The following CLSTN3 variants were observed in gnomAD, a reference collection of about 807,000 sequenced individuals.
CLSTN3 encodes the protein calsyntenin 3, also known as calsyntenin-3.
A neutral mutation model predicts 95.9 loss-of-function variants in CLSTN3; 36 were observed. The observed-to-expected ratio is 0.38, with a 90% CI of 0.29 to 0.50. CLSTN3 has a LOEUF of 0.50. Among genes scored for constraint, CLSTN3 ranks in the 20% least tolerant of loss-of-function variants. The pLI is 0.95. For synonymous variants in CLSTN3, 481 were observed against 504.0 expected, an observed-to-expected ratio of 0.95 and a Z score of 0.61; for missense variants, 1,084 against 1,268.8, an observed-to-expected ratio of 0.85 and a Z score of 2.21.
In CLSTN3 at chr12:7,133,154, G is replaced by A. The variant is rs1223815459; in HGVS notation, c.187+8G>A. The A allele has an allele frequency of 1.9e-6, 3 of 1,613,900 alleles. No individual in the cohort carries two copies. Among genetic ancestry groups the A allele is most frequent in the African/African-American group, 1.3e-5 (1 of 74,890 alleles). ...CCCCGCTGCGCTATGCAGGTAATTGGGATTGGGGGATGGCAAGGCAGGGTA... is the reference window on the plus strand; with the variant it reads ...CCCCGCTGCGCTATGCAGGTAATTGAGATTGGGGGATGGCAAGGCAGGGTA... On this transcript the variant is annotated splice_region_variant and intron_variant, in intron 2 of 17. Transcript: ENST00000266546. The surrounding 1 kb of genome is among the most constrained non-coding windows in gnomAD (Gnocchi z 4.7).
At chr12:7,136,695 T>C in intron 6 of CLSTN3, 134 bp from the exon 7 acceptor site, 2 of 982,334 alleles carry the variant, frequency 2.0e-6, no homozygotes, top group Non-Finnish European at 3.1e-6. Context: ...CTCTTGTCTT[T>C]GAAAGGCCAT....
At chr12:7,142,295 G>A (rs1939540321) in intron 10 of CLSTN3, among the ~76,000 whole-genome samples, 156 bp downstream of exon 10, 1 of 152,086 alleles carries the variant, frequency 6.6e-6, no homozygotes, top group Non-Finnish European at 1.5e-5. Flanking sequence ...AGGGGCTCCT[G>A]GAGTGGTAAG....
chr12:7,154,985 G>A (rs935100510), intron 16 of CLSTN3, among the ~76,000 whole-genome samples: 10 of 152,194 alleles, frequency 6.6e-5, no homozygotes, highest in Non-Finnish European at 1.0e-4. Context: ...TCTGAGAGCC[G>A]TGATAGGAGC....
intron 12 of CLSTN3, among the ~76,000 whole-genome samples, chr12:7,145,438 C>G (rs943244182): frequency 3.3e-5 from 5 of 152,022 alleles, no homozygotes; most frequent in Admixed American, 2.0e-4. Flanking sequence ...TTCCCTGATG[C>G]ATTTCCTTGC....
intron 4 of CLSTN3, 83 bp from the exon 5 acceptor site, chr12:7,135,721 C>A: frequency 2.0e-6 from 3 of 1,498,358 alleles, no homozygotes; most frequent in Non-Finnish European, 2.7e-6. Flanking sequence ...CTGCCTGCTG[C>A]CCGATGATCT....
In CLSTN3 at chr12:7,137,323, G is replaced by T; in HGVS notation, c.1210+213G>T. The T allele has an allele frequency of 1.7e-6, 1 of 574,616 alleles. No individual in the cohort carries two copies. Among genetic ancestry groups the T allele is most frequent in the South Asian group, 2.2e-5 (1 of 45,670 alleles). The allele number at this position is 574,616 out of a possible 1,614,324, so 35.6% of individuals were successfully genotyped here. The stretch of plus-strand genomic sequence containing the variant: ...TCAGAGTGCAATGGGATTCCTTGCT[G>T]CTACTCTTGTTTTCAGTTGCCCAGT... On this transcript the variant is annotated intron_variant, in intron 7 of 17. Coordinates refer to ENST00000266546, the MANE Select transcript of CLSTN3 (RefSeq NM_014718.4). The surrounding 1 kb of genome is among the most constrained non-coding windows in gnomAD (Gnocchi z 4.4).
chr12:7,137,871 C>A lies in CLSTN3; in HGVS notation c.1211-84C>A. On this transcript the variant is annotated intron_variant, in intron 7 of 17. Coordinates refer to ENST00000266546, the MANE Select transcript of CLSTN3 (RefSeq NM_014718.4). The surrounding 1 kb of genome is among the most constrained non-coding windows in gnomAD (Gnocchi z 4.4). ...GGGAATGAGAGAGGATTAAGAGAAT[C>A]CAACATCCTCTCCTTCCTGCTGCTT... 5 of 921,434 alleles carry A rather than the reference C, an allele frequency of 5.4e-6. No homozygotes were observed. Among genetic ancestry groups the A allele is most frequent in the South Asian group, 3.0e-5 (2 of 67,178 alleles). 57.1% of individuals were successfully genotyped at this position (921,434 alleles called of 1,614,324 possible). A position where few individuals can be genotyped will look rare whatever the true frequency, so the allele number is the denominator to read the frequency against.
chr12:7,131,820 G>A (rs904411055), intron 1 of CLSTN3: 38 of 456,372 alleles, frequency 8.3e-5, no homozygotes, highest in Admixed American at 1.9e-4. Context: ...CATTCAGGAA[G>A]GGGTTATGGT....
At chr12:7,139,662 T>G (rs994427514) in intron 8 of CLSTN3, among the ~76,000 whole-genome samples, 4 of 152,014 alleles carry the variant, frequency 2.6e-5, no homozygotes, top group African/African-American at 9.6e-5. Context: ...TATTATTTTT[T>G]TTTTTGAGAT....
At chr12:7,153,276 C>A (rs1333667673) in intron 16 of CLSTN3, among the ~76,000 whole-genome samples, 1 of 152,120 alleles carries the variant, frequency 6.6e-6, no homozygotes, top group East Asian at 1.9e-4. Context: ...GCCTTAGCCC[C>A]CTGAGGAGCA....
chr12:7,135,104 A>G (rs1414804568), intron 3 of CLSTN3, among the ~76,000 whole-genome samples: 3 of 151,652 alleles, frequency 2.0e-5, no homozygotes, highest in African/African-American at 7.3e-5. Context: ...ATAAGGCTGT[A>G]TCTCGTTGTG....
intron 3 of CLSTN3, among the ~76,000 whole-genome samples, chr12:7,135,096 A>G (rs1159661352): frequency 6.6e-6 from 1 of 151,804 alleles, no homozygotes; most frequent in Non-Finnish European, 1.5e-5. Context: ...TGTACAGTAT[A>G]AGGCTGTATC....
Position 7,130,727 on chromosome 12 carries a change from G to A in CLSTN3, c.64+15G>A, listed in dbSNP as rs1411414437. Reference sequence around the variant, plus strand: ...CTGTAACAAAGGTGAGTGAGGTGGGGGTGGGGGTACCGAAAGAGGGGCGTC... The same window carrying A: ...CTGTAACAAAGGTGAGTGAGGTGGGAGTGGGGGTACCGAAAGAGGGGCGTC... On this transcript the variant is annotated intron_variant, in intron 1 of 17. Coordinates refer to ENST00000266546, the MANE Select transcript of CLSTN3 (RefSeq NM_014718.4). 1 of 1,557,294 alleles carries A rather than the reference G, an allele frequency of 6.4e-7. No homozygotes were observed. The highest frequency in any genetic ancestry group is 1.4e-5 in the African/African-American group (1 of 73,678).
chr12:7,156,676 C>T (rs565116447), intron 16 of CLSTN3: 260 of 456,740 alleles, frequency 5.7e-4, no homozygotes, highest in Non-Finnish European at 1.0e-3. Flanking sequence ...TGTGCATGCA[C>T]ATCTGCTTTG....
chr12:7,130,314 CCCA>C, upstream of CLSTN3: 1 of 898,744 alleles, frequency 1.1e-6, no homozygotes, highest in Non-Finnish European at 1.4e-6. Flanking sequence ...CCCCCCCCCT[CCCA>C]GTCACCTGAT....
upstream of CLSTN3, chr12:7,129,724 C>G: frequency 1.0e-6 from 1 of 985,510 alleles, no homozygotes; most frequent in Non-Finnish European, 1.2e-6. This position sits in a 1 kb window ranked among gnomAD's most constrained non-coding sequence, Gnocchi z 5.5. Flanking sequence ...TGCCATCGTC[C>G]CGGGCTTCAG....
chr12:7,136,075 G>T, intron 5 of CLSTN3, 122 bp downstream of exon 5: 1 of 1,491,858 alleles, frequency 6.7e-7, no homozygotes. Context: ...CAGGCTTGCA[G>T]CTATCTACTC....
rs749934859 is a variant in CLSTN3 at position 7,148,989 on chromosome 12, C to T, written c.1865C>T (p.Ser622Phe). 106 of 1,614,020 alleles carry T rather than the reference C, an allele frequency of 6.6e-5. No individual in the cohort carries two copies. The highest frequency in any genetic ancestry group is 7.6e-5 in the Non-Finnish European group (90 of 1,180,018). Residue 622 changes from serine (S) to phenylalanine (F), a missense_variant, in exon 13 of 18, where the codon TCC becomes TTC. By Grantham distance (155) the Ser-to-Phe change is radical. Coordinates refer to ENST00000266546, the MANE Select transcript of CLSTN3 (RefSeq NM_014718.4). The stretch of plus-strand genomic sequence containing the variant: ...TTACATAGGTGCTTCAGCGAAGAGT[C>T]CTGCGTCTCCATCCCTGAAGTGGAG... ...TTAVKCFSEE[S>F]CVSIPEVEGY...
chr12:7,132,836 G>A (rs1292964959), intron 1 of CLSTN3, 188 bp from the exon 2 acceptor site: 12 of 710,868 alleles, frequency 1.7e-5, no homozygotes, highest in African/African-American at 5.2e-5. Context: ...ATGACCTCCC[G>A]CAGACCCTCT....
Sources: gnomAD v4.1 joint callset for allele counts (sites outside exome capture counted in the v4.1 genomes callset) on GRCh38, gnomAD v4.1.1 for gene constraint, Gnocchi (gnomAD v3.1) non-coding constraint, MANE v1.5 for transcripts, NCBI Gene and HGNC (gene_info 2026-07-23, HGNC 2026-07-21) for gene names.